Variants in CACNA2D3 observed in about 807,000 individuals in gnomAD.
CACNA2D3 encodes the protein voltage-dependent calcium channel subunit alpha-2/delta-3.
CACNA2D3 carries 60 observed loss-of-function variants against 160.6 expected under a neutral mutation model. The observed-to-expected ratio is 0.37, with a 90% CI of 0.30 to 0.46. The LOEUF (loss-of-function observed/expected upper bound fraction) is 0.46, where lower values mean the gene tolerates loss of function less well. Among genes scored for constraint, CACNA2D3 ranks in the 20% least tolerant of loss-of-function variants. The pLI is 1.00. For missense variants in CACNA2D3, 1,205 were observed against 1,365.0 expected (o/e 0.88, Z 1.85); for synonymous variants, 558 against 492.9 (o/e 1.13, Z -1.75).
intron 13 of CACNA2D3, among the ~76,000 whole-genome samples, chr3:54,770,341 A>G (rs1702298029): frequency 6.6e-6 from 1 of 152,210 alleles, no homozygotes; most frequent in African/African-American, 2.4e-5. Context: ...TTGTTGGCCA[A>G]AGATTCGTTT....
intron 3 of CACNA2D3, among the ~76,000 whole-genome samples, chr3:54,382,287 A>G (rs1371168871): frequency 6.6e-6 from 1 of 152,218 alleles, no homozygotes; most frequent in Non-Finnish European, 1.5e-5. Flanking sequence ...TAACTAAAAT[A>G]TTAGCAAATT....
At chr3:54,937,857 G>A (rs1701369164) in intron 27 of CACNA2D3, among the ~76,000 whole-genome samples, 1 of 152,138 alleles carries the variant, frequency 6.6e-6, no homozygotes, top group African/African-American at 2.4e-5. Flanking sequence ...AAGGAGCTTG[G>A]GCAAGCAGGT....
At chr3:54,849,000 A>G (rs1201180383) in intron 17 of CACNA2D3, among the ~76,000 whole-genome samples, 1 of 152,220 alleles carries the variant, frequency 6.6e-6, no homozygotes, top group Admixed American at 6.5e-5. Flanking sequence ...TAAAGGTTGG[A>G]AGAACATGGT....
intron 2 of CACNA2D3, among the ~76,000 whole-genome samples, chr3:54,126,786 A>C (rs1253769981): frequency 2.0e-5 from 3 of 152,296 alleles, no homozygotes; most frequent in South Asian, 2.1e-4. Context: ...CTGCCTTGCT[A>C]AGCTGGCAGA....
chr3:54,624,238 C>T (rs553867252), intron 9 of CACNA2D3, among the ~76,000 whole-genome samples: 39 of 152,242 alleles, frequency 2.6e-4, no homozygotes, highest in African/African-American at 9.1e-4. Context: ...ATCTAAATGT[C>T]CAACTGTAAA....
intron 15 of CACNA2D3, 150 bp downstream of exon 15, chr3:54,837,380 A>G: frequency 1.4e-6 from 1 of 705,322 alleles, no homozygotes; most frequent in East Asian, 2.5e-5. Context: ...GAATCACCAA[A>G]TCAAAAACAG....
intron 9 of CACNA2D3, among the ~76,000 whole-genome samples, chr3:54,613,023 A>T (rs1228579611): frequency 1.3e-5 from 2 of 152,186 alleles, no homozygotes; most frequent in Admixed American, 6.5e-5. Context: ...CATCCTGGCC[A>T]CATTCACAGG....
intron 4 of CACNA2D3, among the ~76,000 whole-genome samples, chr3:54,400,378 G>C (rs1015966617): frequency 1.3e-5 from 2 of 151,840 alleles, no homozygotes; most frequent in African/African-American, 4.8e-5. Context: ...ATGAAACCCT[G>C]AGCCCACGAC....
intron 35 of CACNA2D3, among the ~76,000 whole-genome samples, chr3:55,042,410 G>A (rs935501958): frequency 9.9e-5 from 15 of 151,984 alleles, no homozygotes; most frequent in Non-Finnish European, 1.0e-4. Flanking sequence ...GAATATGGCC[G>A]TCTTTATCTC....
At chr3:54,396,046 G>T (rs1158919208) in intron 4 of CACNA2D3, among the ~76,000 whole-genome samples, 13 of 55,666 alleles carry the variant, frequency 2.3e-4, no homozygotes, top group Non-Finnish European at 3.5e-4. Flanking sequence ...TTGTAAGTTG[G>T]ATTCCTAGGT....
intron 4 of CACNA2D3, among the ~76,000 whole-genome samples, chr3:54,428,405 C>G (rs1699939968): frequency 6.6e-6 from 1 of 152,222 alleles, no homozygotes; most frequent in East Asian, 1.9e-4. Context: ...GGATGAGGCA[C>G]TGGGGGCCGA....
chr3:54,165,560 C>T (rs1355514730), intron 2 of CACNA2D3, among the ~76,000 whole-genome samples: 1 of 148,244 alleles, frequency 6.7e-6, no homozygotes, highest in Non-Finnish European at 1.5e-5. Flanking sequence ...CACAGTGGCT[C>T]ATGCCTGTAA....
intron 11 of CACNA2D3, among the ~76,000 whole-genome samples, chr3:54,745,835 G>A (rs1575454177): frequency 1.3e-5 from 2 of 151,636 alleles, no homozygotes; most frequent in South Asian, 4.2e-4. Flanking sequence ...TTTCAATACC[G>A]CACTTGAGGT....
chr3:54,160,447 C>T (rs1351873871), intron 2 of CACNA2D3, among the ~76,000 whole-genome samples: 1 of 152,150 alleles, frequency 6.6e-6, no homozygotes, highest in African/African-American at 2.4e-5. Flanking sequence ...TTGCAGTGAG[C>T]CAAGATTGCG....
At chr3:54,304,633 GTACA>G (rs1703555627) in intron 2 of CACNA2D3, among the ~76,000 whole-genome samples, 1 of 152,082 alleles carries the variant, frequency 6.6e-6, no homozygotes, top group South Asian at 2.1e-4. Flanking sequence ...CTTACAGTGA[GTACA>G]TTTTGCTTTA....
chr3:54,219,486 A>C (rs1307970583), intron 2 of CACNA2D3, among the ~76,000 whole-genome samples: 1 of 152,174 alleles, frequency 6.6e-6, no homozygotes, highest in African/African-American at 2.4e-5. Flanking sequence ...ATACCTCCTT[A>C]TGGAGACCTT....
intron 9 of CACNA2D3, among the ~76,000 whole-genome samples, chr3:54,601,173 G>C (rs1185360880): frequency 6.6e-6 from 1 of 152,044 alleles, no homozygotes; most frequent in African/African-American, 2.4e-5. Flanking sequence ...AACTTGGCTG[G>C]GCCTAAGAAT....
intron 5 of CACNA2D3, among the ~76,000 whole-genome samples, chr3:54,508,617 G>A (rs1389025429): frequency 2.0e-5 from 3 of 152,220 alleles, no homozygotes; most frequent in Non-Finnish European, 4.4e-5. Context: ...AACATAGGAA[G>A]TAACCCAATC....
intron 9 of CACNA2D3, chr3:54,626,231 A>G: frequency 1.0e-6 from 1 of 974,828 alleles, no homozygotes; most frequent in Admixed American, 2.0e-5. Flanking sequence ...GAAGTAGAGC[A>G]GAAGAAGCAG....
Sources: allele counts gnomAD v4.1 joint callset (sites outside exome capture counted in the v4.1 genomes callset), GRCh38; gene constraint gnomAD v4.1.1; transcripts MANE v1.5; gene names NCBI Gene and HGNC (gene_info 2026-07-23, HGNC 2026-07-21).